Variants in GOLGA3 observed in about 807,000 individuals in gnomAD.
GOLGA3 encodes the protein golgin A3.
Under a neutral mutation model 169.4 loss-of-function variants are expected in GOLGA3, and 75 were observed. The observed-to-expected ratio is 0.44, with a 90% CI of 0.37 to 0.54. GOLGA3 has a LOEUF of 0.54. Among genes scored for constraint, GOLGA3 ranks in the 20% least tolerant of loss-of-function variants. The pLI is 0.00. For missense variants in GOLGA3, 1,899 were observed against 1,930.0 expected, an observed-to-expected ratio of 0.98 and a Z score of 0.30; for synonymous variants, 824 against 822.4, an observed-to-expected ratio of 1.00 and a Z score of -0.03.
chr12:132,810,409 T>A (rs1949641913), intron 4 of GOLGA3, among the ~76,000 whole-genome samples: 1 of 152,188 alleles, frequency 6.6e-6, no homozygotes, highest in African/African-American at 2.4e-5. Context: ...TGTTCCAGTA[T>A]AATAAAGTAT....
rs1949453003 is a variant in GOLGA3 at position 132,807,267 on chromosome 12, T to G, written c.1200A>C (p.Ala400=). Residue 400 remains alanine (A), a synonymous_variant, in exon 6 of 24, where the codon GCA becomes GCC. Transcript: ENST00000450791. ...GCAGCATCTCCTCCTGTGTTTCTGC[T>G]GCAGAGCTCTCCAAGGACACGCTGG... is the stretch of plus-strand genomic sequence containing the variant. ...ICSSVSLESS[A]AETQEEMLQV... 6.3e-7 allele frequency: 1 copy of G among 1,575,710 alleles called. No individual in the cohort carries two copies. Among genetic ancestry groups the G allele is most frequent in the Admixed American group, 1.8e-5 (1 of 55,276 alleles).
In GOLGA3 at chr12:132,771,764, TGA is replaced by T. The variant is rs1165771098; in HGVS notation, c.*1339_*1340del. 6.6e-6 allele frequency: 1 copy of T among 150,712 alleles called. No homozygotes were observed. Among genetic ancestry groups the T allele is most frequent in the East Asian group, 2.0e-4 (1 of 5,088 alleles). The allele number at this position is 150,712 out of a possible 1,614,324, so 9.3% of individuals were successfully genotyped here. A position where few individuals can be genotyped will look rare whatever the true frequency, so the allele number is the denominator to read the frequency against. ...GATTTTCACTTGGGGAACAGGAGTGTGAGGTTTGTTACCGCCTGCGACCTACA... is the reference window on the plus strand; with the variant it reads ...GATTTTCACTTGGGGAACAGGAGTGTGGTTTGTTACCGCCTGCGACCTACA... On this transcript the variant is annotated 3_prime_UTR_variant, in exon 24 of 24. Coordinates refer to ENST00000450791, the MANE Select transcript of GOLGA3 (RefSeq NM_001389683.1).
chr12:132,778,962 C>T (rs956118529), intron 18 of GOLGA3, among the ~76,000 whole-genome samples: 5 of 152,030 alleles, frequency 3.3e-5, no homozygotes, highest in Non-Finnish European at 7.4e-5. Context: ...GCTGGGGCAC[C>T]GTGTGAGCCA....
intron 7 of GOLGA3, among the ~76,000 whole-genome samples, chr12:132,802,421 G>C (rs1324019503): frequency 1.3e-5 from 2 of 151,914 alleles, no homozygotes; most frequent in Non-Finnish European, 2.9e-5. Flanking sequence ...ACGCCCAGGA[G>C]ATCCAGACCA....
chr12:132,781,654 G>A (rs1284405866), intron 17 of GOLGA3, among the ~76,000 whole-genome samples: 1 of 152,102 alleles, frequency 6.6e-6, no homozygotes, highest in African/African-American at 2.4e-5. Flanking sequence ...AGAAGTGGTG[G>A]GAACTAGGGC....
intron 4 of GOLGA3, 100 bp from the exon 5 acceptor site, chr12:132,808,649 G>T: frequency 4.3e-6 from 4 of 929,946 alleles, no homozygotes; most frequent in Non-Finnish European, 6.6e-6. Flanking sequence ...TACTCCCTCC[G>T]CTGACAACCA....
In GOLGA3 at chr12:132,804,829, T is replaced by C; in HGVS notation, c.1484A>G (p.Asn495Ser). ...GTTGTTGGACGACGCCAGGCTGGCA[T>C]TTTTTGCCTCCAGCATGTTCTGCAG... is the stretch of plus-strand genomic sequence containing the variant. ...TDLQNMLEAKNASLASSNNDL... is the reference protein window; with the variant it reads ...TDLQNMLEAKSASLASSNNDL... Residue 495 changes from asparagine to serine, a missense_variant, in exon 7 of 24, where the codon AAT (asparagine) becomes AGT (serine). Transcript: ENST00000450791. The surrounding 1 kb of genome is among the most constrained non-coding windows in gnomAD (Gnocchi z 4.1). 2 of 1,614,190 alleles carry C rather than the reference T, an allele frequency of 1.2e-6. No homozygotes were observed. Among genetic ancestry groups the C allele is most frequent in the South Asian group, 2.2e-5 (2 of 91,092 alleles).
At chr12:132,785,413 C>T (rs1345601860) in intron 15 of GOLGA3, among the ~76,000 whole-genome samples, 2 of 152,158 alleles carry the variant, frequency 1.3e-5, no homozygotes, top group Admixed American at 1.3e-4. Flanking sequence ...CAGGCTGAGG[C>T]GATCCTCCCA....
Position 132,796,626 on chromosome 12 carries a change from C to G in GOLGA3, c.2013G>C (p.Gln671His), listed in dbSNP as rs755746207. Residue 671 changes from glutamine (Q) to histidine (H), a missense_variant, in exon 10 of 24, where the codon CAG becomes CAC. Physicochemically the swap from Gln to His is conservative, Grantham distance 24. Coordinates refer to ENST00000450791, the MANE Select transcript of GOLGA3 (RefSeq NM_001389683.1). ...CACCTTCAAACTCTTCCAGCCTCCT[C>G]TGAAGGTCCTCCTCCACCATCGTCT... ...EAKTMVEEDL[Q>H]RRLEEFEGER... 7.6e-5 allele frequency: 123 copies of G among 1,614,010 alleles called. No homozygotes were observed. The highest frequency in any genetic ancestry group is 9.7e-5 in the Non-Finnish European group (115 of 1,180,006).
At position 132,779,189 on chromosome 12, in the gene GOLGA3, C is replaced by A. The variant is rs555980093; in HGVS notation, c.3583-1384G>T. On this transcript the variant is annotated intron_variant, in intron 18 of 23. Transcript: ENST00000450791. ...TCCGCCTCCTGGTTCAAGCGATTCT[C>A]CTGCCTCAGCCTCCCGAGTAGCTGG... Among the ~76,000 whole-genome samples the A allele has an allele frequency of 3.9e-4, 60 of 152,248 alleles. 1 individual carries two copies. In the South Asian group the frequency reaches 5.8e-3, roughly 15 times the overall value.
chr12:132,775,723 A>G (rs2136250614), intron 21 of GOLGA3, among the ~76,000 whole-genome samples: 1 of 151,872 alleles, frequency 6.6e-6, no homozygotes, highest in South Asian at 2.1e-4. Context: ...CAGGTTTTGG[A>G]TTTCTGGATG....
chr12:132,797,708 A>T (rs893386870), intron 9 of GOLGA3, among the ~76,000 whole-genome samples: 2 of 151,126 alleles, frequency 1.3e-5, no homozygotes, highest in Non-Finnish European at 3.0e-5. Context: ...GCAAAATTCC[A>T]CCTCAAAAAA....
intron 9 of GOLGA3, among the ~76,000 whole-genome samples, chr12:132,797,696 G>A (rs1948921802): frequency 6.6e-6 from 1 of 151,550 alleles, no homozygotes; most frequent in East Asian, 1.9e-4. Context: ...TGGGCGACAA[G>A]AGCAAAATTC....
In GOLGA3 at chr12:132,803,158, ATGTAAACATG is replaced by A. The variant is rs1167020771; in HGVS notation, c.1598-1199_1598-1190del. Among the ~76,000 whole-genome samples the A allele has an allele frequency of 7.9e-5, 12 of 152,308 alleles. No homozygotes were observed. In the East Asian group the frequency reaches 2.3e-3, roughly 29 times the overall value. On this transcript the variant is annotated intron_variant, in intron 7 of 23. Coordinates refer to ENST00000450791, the MANE Select transcript of GOLGA3 (RefSeq NM_001389683.1). ...CAAAATTACCCCCCAAAGCACAAAC[ATGTAAACATG>A]GCCCTGGAAAGAACTCCTGCCTGCA... is the stretch of plus-strand genomic sequence containing the variant.
intron 4 of GOLGA3, among the ~76,000 whole-genome samples, chr12:132,811,202 T>A (rs557964996): frequency 5.0e-4 from 75 of 149,698 alleles, no homozygotes; most frequent in Non-Finnish European, 8.8e-4. Flanking sequence ...GTGGTAGTGG[T>A]CCCCCCGGCC....
intron 9 of GOLGA3, 21 bp downstream of exon 9, chr12:132,798,319 C>G: frequency 6.3e-7 from 1 of 1,589,002 alleles, no homozygotes; most frequent in Non-Finnish European, 8.5e-7. Flanking sequence ...TAAGCTTCCA[C>G]GGCCCCGGCC....
At position 132,777,164 on chromosome 12, in the gene GOLGA3, C is replaced by G; in HGVS notation, c.3723-74G>C. 1 of 1,492,590 alleles carries G rather than the reference C, an allele frequency of 6.7e-7. No homozygotes were observed. Among genetic ancestry groups the G allele is most frequent in the East Asian group, 2.3e-5 (1 of 43,830 alleles). 92.5% of individuals were successfully genotyped at this position (1,492,590 alleles called of 1,614,324 possible). On this transcript the variant is annotated intron_variant, in intron 19 of 23. Transcript: ENST00000450791. This position sits in a 1 kb window ranked among gnomAD's most constrained non-coding sequence, Gnocchi z 4.7. ...TGCTGTGCCCTCCCGCTGGGAAATGCTGCCTGTGGAAGGCGTTCGTCCTGG... is the reference window on the plus strand; with the variant it reads ...TGCTGTGCCCTCCCGCTGGGAAATGGTGCCTGTGGAAGGCGTTCGTCCTGG...
chr12:132,812,192 T>TACATACACACACACAC (rs1949748782), intron 4 of GOLGA3, among the ~76,000 whole-genome samples: 1 of 135,008 alleles, frequency 7.4e-6, no homozygotes. Flanking sequence ...TGTCTCAAAA[T>TACATACACACACACAC]ACACACACAC....
rs1178384597 is a variant in GOLGA3, at chr12:132,787,862, GGGACCCCTTCCCGAGACCCCA to G, written c.2812-1096_2812-1076del. 9.2e-4 allele frequency among the ~76,000 whole-genome samples: 109 copies of G among 118,702 alleles called. 5 individuals are homozygous for G. Among genetic ancestry groups the G allele is most frequent in the African/African-American group, 3.4e-3 (105 of 30,654 alleles). The allele number at this position is 118,702 out of a possible 152,430, so 77.9% of individuals were successfully genotyped here. A position where few individuals can be genotyped will look rare whatever the true frequency, so the allele number is the denominator to read the frequency against. Reference sequence around the variant, plus strand: ...CCCGGGACCCCTCCCCGGAGACCCCGGGACCCCTTCCCGAGACCCCAGGACCCTTCCTGAGACCCCAGGACC... The same window carrying G: ...CCCGGGACCCCTCCCCGGAGACCCCGGGACCCTTCCTGAGACCCCAGGACC... On this transcript the variant is annotated intron_variant, in intron 13 of 23. Coordinates refer to ENST00000450791, the MANE Select transcript of GOLGA3 (RefSeq NM_001389683.1).
Sources: gnomAD v4.1 joint callset for allele counts (sites outside exome capture counted in the v4.1 genomes callset) on GRCh38, gnomAD v4.1.1 for gene constraint, Gnocchi (gnomAD v3.1) non-coding constraint, MANE v1.5 for transcripts, NCBI Gene and HGNC (gene_info 2026-07-23, HGNC 2026-07-21) for gene names.